The following ADAP1 variants were observed in gnomAD, a reference collection of about 807,000 sequenced individuals.
The protein encoded by ADAP1 is arf-GAP with dual PH domain-containing protein 1.
Under a neutral mutation model 54.9 loss-of-function variants are expected in ADAP1, and 31 were observed. The observed-to-expected ratio is 0.56, with a 90% CI of 0.42 to 0.76. The LOEUF (loss-of-function observed/expected upper bound fraction) is 0.76, where lower values mean the gene tolerates loss of function less well. Ranked by LOEUF, ADAP1 falls within the 30% of genes least tolerant of loss-of-function variation. The pLI, the probability that ADAP1 is intolerant of heterozygous loss-of-function variation, is 0.00. For missense variants in ADAP1, 535 were observed against 512.4 expected, an observed-to-expected ratio of 1.04 and a Z score of -0.42; for synonymous variants, 313 against 202.6, an observed-to-expected ratio of 1.55 and a Z score of -4.63.
rs1390526771 is a variant in ADAP1, at chr7:938,673, C to T, written c.83-3168G>A. Reference sequence around the variant, plus strand: ...GGCACGCCAGTCTCCGGGCCTCGGTCTCCTCATCTGTCGGATGGGACAGCA... The same window carrying T: ...GGCACGCCAGTCTCCGGGCCTCGGTTTCCTCATCTGTCGGATGGGACAGCA... On this transcript the variant is annotated intron_variant, in intron 1 of 10. Coordinates refer to ENST00000265846, the MANE Select transcript of ADAP1 (RefSeq NM_006869.4). This position sits in a 1 kb window ranked among gnomAD's most constrained non-coding sequence, Gnocchi z 4.4. 5.9e-5 allele frequency among the ~76,000 whole-genome samples: 9 copies of T among 152,178 alleles called. No individual in the cohort carries two copies. Among genetic ancestry groups the T allele is most frequent in the African/African-American group, 2.2e-4 (9 of 41,438 alleles).
At chr7:949,548 G>C (rs1313389585) in intron 1 of ADAP1, among the ~76,000 whole-genome samples, 1 of 152,268 alleles carries the variant, frequency 6.6e-6, no homozygotes. Context: ...CTGAGGTCTA[G>C]CTCACAGCAT....
rs1308755153 is a variant in ADAP1, at chr7:920,993, G to C, written c.306-943C>G. ...CGCCCACAGGATCTGATGGGTGATG[G>C]GTCCCAGCTGGGTCTCTGGCCCCTG... is the stretch of plus-strand genomic sequence containing the variant. On this transcript the variant is annotated intron_variant, in intron 3 of 10. Transcript: ENST00000265846. This position sits in a 1 kb window ranked among gnomAD's most constrained non-coding sequence, Gnocchi z 4.5. 6 of 842,900 alleles carry C rather than the reference G, an allele frequency of 7.1e-6. No individual in the cohort carries two copies. The highest frequency in any genetic ancestry group is 1.1e-5 in the Non-Finnish European group (6 of 542,840). 52.2% of individuals were successfully genotyped at this position (842,900 alleles called of 1,614,324 possible). A position where few individuals can be genotyped will look rare whatever the true frequency, so the allele number is the denominator to read the frequency against.
chr7:906,690 G>GAGAAA (rs1562915173), intron 4 of ADAP1, among the ~76,000 whole-genome samples: 6 of 61,064 alleles, frequency 9.8e-5, no homozygotes, highest in Admixed American at 3.5e-4. Flanking sequence ...GGGGACACGG[G>GAGAAA]GGACATGGAC....
chr7:904,451 C>T (rs1368612793), intron 5 of ADAP1, among the ~76,000 whole-genome samples, 179 bp from the exon 6 acceptor site: 1 of 152,194 alleles, frequency 6.6e-6, no homozygotes, highest in Non-Finnish European at 1.5e-5. Flanking sequence ...AACAGCACCT[C>T]CCTCCCAGGA....
rs193055421 is a variant in ADAP1, at chr7:937,311, T to C, written c.83-1806A>G. Among the ~76,000 whole-genome samples, 16 of 20,284 alleles carry C rather than the reference T, an allele frequency of 7.9e-4. 1 individual carries two copies. The East Asian group carries it at 0.017, about 22-fold the overall frequency. 13.3% of individuals were successfully genotyped at this position (20,284 alleles called of 152,430 possible). A position where few individuals can be genotyped will look rare whatever the true frequency, so the allele number is the denominator to read the frequency against. On this transcript the variant is annotated intron_variant, in intron 1 of 10. Transcript: ENST00000265846. ...GCCTCTGGGATTTGGGGGTCATGCCTGGCCTCTGGGATTTGGGGGTCACGC... is the reference window on the plus strand; with the variant it reads ...GCCTCTGGGATTTGGGGGTCATGCCCGGCCTCTGGGATTTGGGGGTCACGC...
intron 4 of ADAP1, among the ~76,000 whole-genome samples, chr7:914,881 G>T (rs941753091): frequency 6.6e-6 from 1 of 152,056 alleles, no homozygotes; most frequent in South Asian, 2.1e-4. Context: ...AGGCTGCAGG[G>T]GCAGGGTAGA....
intron 4 of ADAP1, 93 bp from the exon 5 acceptor site, chr7:905,265 G>A (rs1689486168): frequency 2.7e-6 from 2 of 730,854 alleles, no homozygotes; most frequent in East Asian, 3.8e-5. Flanking sequence ...GACATGGGGA[G>A]AAGACACGGG....
At chr7:902,308 A>G (rs369473503) in intron 6 of ADAP1, among the ~76,000 whole-genome samples, 3 of 149,860 alleles carry the variant, frequency 2.0e-5, no homozygotes, top group African/African-American at 7.4e-5. Flanking sequence ...AAAATACAAA[A>G]TTAGCTGGGT....
chr7:920,898 G>C lies in ADAP1; in HGVS notation c.306-848C>G. 6.5e-7 allele frequency: 1 copy of C among 1,545,928 alleles called. No individual in the cohort carries two copies. Among genetic ancestry groups the C allele is most frequent in the Non-Finnish European group, 8.7e-7 (1 of 1,143,636 alleles). On this transcript the variant is annotated intron_variant, in intron 3 of 10. Coordinates refer to ENST00000265846, the MANE Select transcript of ADAP1 (RefSeq NM_006869.4). This position sits in a 1 kb window ranked among gnomAD's most constrained non-coding sequence, Gnocchi z 4.5. ...CACTCCCAGGGAATTACGCGGCAAA[G>C]AACAAATAGGAACCCTGTGGCTTCC...
chr7:898,169 T>TA lies in ADAP1; in HGVS notation c.*751_*752insT, dbSNP rs1288056267. On this transcript the variant is annotated 3_prime_UTR_variant, in exon 11 of 11. Transcript: ENST00000265846. ...AAAATAAATACACGGCTGGGCCGCC[T>TA]GCAGCAAGCGCGACAGTGCCCGGGA... is the stretch of plus-strand genomic sequence containing the variant. 1 of 152,406 alleles carries TA rather than the reference T, an allele frequency of 6.6e-6. No individual in the cohort carries two copies. The highest frequency in any genetic ancestry group is 1.5e-5 in the Non-Finnish European group (1 of 68,180). The allele number at this position is 152,406 out of a possible 1,614,324, so 9.4% of individuals were successfully genotyped here.
intron 1 of ADAP1, 70 bp from the exon 2 acceptor site, chr7:935,575 C>G: frequency 6.5e-7 from 1 of 1,532,194 alleles, no homozygotes; most frequent in East Asian, 2.5e-5. Flanking sequence ...GACGGAGCCT[C>G]GAGTCAGGAG....
intron 6 of ADAP1, among the ~76,000 whole-genome samples, chr7:903,578 T>C (rs1844928830): frequency 6.6e-6 from 1 of 152,046 alleles, no homozygotes. Context: ...CCCTGCAGCC[T>C]GGCCCAAAGA....
chr7:924,130 C>CG (rs1335114543), intron 3 of ADAP1, among the ~76,000 whole-genome samples: 14 of 56,622 alleles, frequency 2.5e-4, no homozygotes, highest in East Asian at 9.4e-4. Context: ...CGCTGCACCC[C>CG]CCGCCCTCCG....
At chr7:950,218 GCTCACAC>G (rs1847233692) in intron 1 of ADAP1, among the ~76,000 whole-genome samples, 1 of 152,242 alleles carries the variant, frequency 6.6e-6, no homozygotes, top group Non-Finnish European at 1.5e-5. Flanking sequence ...GGGCATGGTG[GCTCACAC>G]CTGTAATCCC....
intron 4 of ADAP1, among the ~76,000 whole-genome samples, chr7:918,073 T>C (rs1474343558): frequency 6.6e-6 from 1 of 152,156 alleles, no homozygotes; most frequent in Non-Finnish European, 1.5e-5. Context: ...ATTACAGGTG[T>C]GCGCCAACCG....
Position 899,295 on chromosome 7 carries a change from T to C in ADAP1, c.868-34A>G, listed in dbSNP as rs758042371. 15 of 1,609,790 alleles carry C rather than the reference T, an allele frequency of 9.3e-6. No homozygotes were observed. The African/African-American group carries it at 1.9e-4, about 20-fold the overall frequency. On this transcript the variant is annotated intron_variant, in intron 9 of 10. Coordinates refer to ENST00000265846, the MANE Select transcript of ADAP1 (RefSeq NM_006869.4). ...GGGGACCGCACTGGAGGCGGGGCCA[T>C]GTCCCTTCCAGCCCCGCTTCACTCA...
chr7:931,477 G>A (rs776424529), intron 2 of ADAP1, among the ~76,000 whole-genome samples: 18 of 152,088 alleles, frequency 1.2e-4, no homozygotes, highest in Admixed American at 2.6e-4. Flanking sequence ...GTCGGACGCC[G>A]AAGCTCACAC....
At chr7:909,107 G>A (rs1035688312) in intron 4 of ADAP1, among the ~76,000 whole-genome samples, 7 of 147,536 alleles carry the variant, frequency 4.7e-5, no homozygotes, top group East Asian at 2.0e-4. Flanking sequence ...GGGTCCAGAC[G>A]CCAGCGGGAA....
chr7:939,118 T>C (rs1846864644), intron 1 of ADAP1, among the ~76,000 whole-genome samples: 1 of 152,208 alleles, frequency 6.6e-6, no homozygotes. Context: ...AAGGTGTTAC[T>C]GGAACTCAGC....
Sources: gnomAD v4.1 joint callset for allele counts (sites outside exome capture counted in the v4.1 genomes callset) on GRCh38, gnomAD v4.1.1 for gene constraint, Gnocchi (gnomAD v3.1) non-coding constraint, MANE v1.5 for transcripts, NCBI Gene and HGNC (gene_info 2026-07-23, HGNC 2026-07-21) for gene names.